PSME4: variants seen among roughly 807,000 people sequenced by gnomAD.
The protein encoded by PSME4 is proteasome activator subunit 4.
Under a neutral mutation model 253.9 loss-of-function variants are expected in PSME4, and 89 were observed. The ratio of observed to expected loss-of-function variants is 0.35; its 90% CI spans 0.30 to 0.42. PSME4 has a LOEUF of 0.42. Ranked by LOEUF, PSME4 falls within the 10% of genes least tolerant of loss-of-function variation. PSME4 has a pLI of 1.00. For synonymous variants in PSME4, 851 were observed against 759.2 expected (o/e 1.12, Z -1.99); for missense variants, 2,014 against 2,195.2 (o/e 0.92, Z 1.65).
At chr2:53,925,460 A>G in intron 14 of PSME4, 79 bp downstream of exon 14, 3 of 1,288,684 alleles carry the variant, frequency 2.3e-6, no homozygotes, top group Non-Finnish European at 3.1e-6. Flanking sequence ...TGATATACAC[A>G]AAGTAACTTG....
intron 44 of PSME4, 55 bp from the exon 45 acceptor site, chr2:53,866,935 G>A: frequency 6.7e-7 from 1 of 1,492,636 alleles, no homozygotes; most frequent in South Asian, 1.3e-5. Flanking sequence ...TAATGCACTT[G>A]TTACAGTGAG....
chr2:53,951,677 C>T (rs908121797), intron 1 of PSME4, among the ~76,000 whole-genome samples: 1 of 152,136 alleles, frequency 6.6e-6, no homozygotes, highest in Non-Finnish European at 1.5e-5. Context: ...TTTTGAGCAA[C>T]AACATGACAC....
chr2:53,970,910 C>G lies in PSME4; in HGVS notation c.-126G>C. The G allele has an allele frequency of 1.3e-6, 1 of 760,482 alleles. No homozygotes were observed. Among genetic ancestry groups the G allele is most frequent in the Non-Finnish European group, 1.9e-6 (1 of 517,076 alleles). The allele number at this position is 760,482 out of a possible 1,614,324, so 47.1% of individuals were successfully genotyped here. On this transcript the variant is annotated 5_prime_UTR_variant, in exon 1 of 47. Transcript: ENST00000404125. Reference sequence around the variant, plus strand: ...CGCTGGCGGCCCGTCGCCCTCGGACCGATCGCTAGGCCCCCTTCCCTGGCC... The same window carrying G: ...CGCTGGCGGCCCGTCGCCCTCGGACGGATCGCTAGGCCCCCTTCCCTGGCC...
intron 43 of PSME4, among the ~76,000 whole-genome samples, chr2:53,871,737 G>C (rs1678887296): frequency 6.6e-6 from 1 of 152,136 alleles, no homozygotes; most frequent in African/African-American, 2.4e-5. Flanking sequence ...GTGATTGGCA[G>C]GGCATGGTGG....
At chr2:53,915,077 T>C (rs1667996150) in intron 20 of PSME4, among the ~76,000 whole-genome samples, 1 of 152,038 alleles carries the variant, frequency 6.6e-6, no homozygotes, top group African/African-American at 2.4e-5. Flanking sequence ...AACAATGAGA[T>C]TTTAAGACCA....
chr2:53,918,579 G>A (rs1160683370), intron 20 of PSME4, among the ~76,000 whole-genome samples: 1 of 152,056 alleles, frequency 6.6e-6, no homozygotes, highest in African/African-American at 2.4e-5. Context: ...GCACTCAAAA[G>A]ATCCGCCTGC....
chr2:53,946,921 G>A (rs1669738601), intron 3 of PSME4, among the ~76,000 whole-genome samples: 1 of 151,748 alleles, frequency 6.6e-6, no homozygotes, highest in Non-Finnish European at 1.5e-5. Context: ...AAGGAAGGAA[G>A]GAAGGAAGGA....
chr2:53,939,809 G>T, intron 4 of PSME4, 147 bp downstream of exon 4: 1 of 564,890 alleles, frequency 1.8e-6, no homozygotes, highest in Non-Finnish European at 2.9e-6. Flanking sequence ...TTCAGTTAAT[G>T]AACTGGAAAC....
At chr2:53,891,930 T>A (rs999241725) in intron 36 of PSME4, among the ~76,000 whole-genome samples, 2 of 148,112 alleles carry the variant, frequency 1.4e-5, no homozygotes, top group South Asian at 4.3e-4. Context: ...GAAGGACAGA[T>A]GGAAGGAAGG....
intron 26 of PSME4, 79 bp downstream of exon 26, chr2:53,906,519 T>C: frequency 4.3e-6 from 6 of 1,411,356 alleles, no homozygotes; most frequent in Non-Finnish European, 4.6e-6. Context: ...ATTTAAACTC[T>C]CTTCTTAAAA....
intron 43 of PSME4, chr2:53,871,016 A>G (rs1027947693): frequency 5.3e-5 from 8 of 152,206 alleles, no homozygotes; most frequent in Non-Finnish European, 1.2e-4. Flanking sequence ...AGCTAATTTT[A>G]TGGCTATTAG....
chr2:53,968,424 G>T lies in PSME4; in HGVS notation c.242+2119C>A, dbSNP rs116150517. Among the ~76,000 whole-genome samples the T allele has an allele frequency of 2.8e-3, 425 of 152,168 alleles. 3 individuals are homozygous for T. Among genetic ancestry groups the T allele is most frequent in the African/African-American group, 9.6e-3 (398 of 41,504 alleles). Reference sequence around the variant, plus strand: ...TCATTACCACTTTCTATTCTACAAAGTACTAAATATGATCACCACTCAGCT... The same window carrying T: ...TCATTACCACTTTCTATTCTACAAATTACTAAATATGATCACCACTCAGCT... On this transcript the variant is annotated intron_variant, in intron 1 of 46. Transcript: ENST00000404125.
At chr2:53,960,736 G>T (rs780232027) in intron 1 of PSME4, among the ~76,000 whole-genome samples, 1 of 152,154 alleles carries the variant, frequency 6.6e-6, no homozygotes, top group African/African-American at 2.4e-5. Context: ...ATAACTTAAC[G>T]GTTCTTCAGT....
chr2:53,931,234 C>T (rs969812437), intron 10 of PSME4, among the ~76,000 whole-genome samples: 1 of 152,016 alleles, frequency 6.6e-6, no homozygotes, highest in Non-Finnish European at 1.5e-5. Context: ...CCAAGATTTG[C>T]ACTCCAGCCT....
intron 27 of PSME4, among the ~76,000 whole-genome samples, chr2:53,902,289 A>C (rs1362578582): frequency 1.3e-5 from 2 of 152,240 alleles, no homozygotes; most frequent in Non-Finnish European, 2.9e-5. Context: ...TACAAAGTAC[A>C]TAAAAACTAA....
At chr2:53,865,932 C>T (rs932366732) in intron 46 of PSME4, 153 bp downstream of exon 46, 7 of 803,840 alleles carry the variant, frequency 8.7e-6, no homozygotes, top group Non-Finnish European at 1.3e-5. Flanking sequence ...TTCCAATGGC[C>T]GTAGCAAAAG....
Position 53,925,543 on chromosome 2 carries a change from A to T in PSME4, c.1805T>A (p.Phe602Tyr). Residue 602 changes from phenylalanine to tyrosine, a missense_variant, in exon 14 of 47, where the codon TTT becomes TAT. By Grantham distance (22) the Phe-to-Tyr change is conservative. Transcript: ENST00000404125. ...TTTTTGCAGCAATGTTCTTACCATA[A>T]ATATTTCTTTGGAACATTGGGTGAG... ...TILTQCSKEI[F>Y]MVALQKVFNF... The T allele has an allele frequency of 6.5e-7, 1 of 1,545,908 alleles. No homozygotes were observed. Among genetic ancestry groups the T allele is most frequent in the Non-Finnish European group, 8.8e-7 (1 of 1,135,522 alleles).
At chr2:53,899,581 C>G (rs805421) in intron 29 of PSME4, among the ~76,000 whole-genome samples, 80,455 of 151,362 alleles carry the variant, frequency 0.53, 21,711 homozygotes, top group East Asian at 0.71. Flanking sequence ...ACTTTGGGAG[C>G]CCGAGGTGGG....
intron 43 of PSME4, among the ~76,000 whole-genome samples, chr2:53,873,692 G>C (rs1305411216): frequency 6.6e-6 from 1 of 152,194 alleles, no homozygotes; most frequent in Non-Finnish European, 1.5e-5. Flanking sequence ...CTACTGGATA[G>C]CAGCGCCTAT....
Sources: allele counts gnomAD v4.1 joint callset (sites outside exome capture counted in the v4.1 genomes callset), GRCh38; gene constraint gnomAD v4.1.1; transcripts MANE v1.5; gene names NCBI Gene and HGNC (gene_info 2026-07-23, HGNC 2026-07-21).